CADPS2: variants seen among roughly 807,000 people sequenced by gnomAD.
The protein encoded by CADPS2 is calcium dependent secretion activator 2.
In CADPS2, 93 loss-of-function variants were observed where a neutral mutation model predicts 172.5. The observed-to-expected ratio is 0.54, with a 90% CI of 0.46 to 0.64. The LOEUF is 0.64. CADPS2 is among the 30% of genes least tolerant of loss of function. The pLI is 0.00. For synonymous variants in CADPS2, 546 were observed against 555.2 expected, an observed-to-expected ratio of 0.98 and a Z score of 0.23; for missense variants, 1,420 against 1,565.9, an observed-to-expected ratio of 0.91 and a Z score of 1.57.
intron 8 of CADPS2, 94 bp from the exon 9 acceptor site, chr7:122,513,409 A>T (rs773070933): frequency 2.0e-6 from 2 of 1,024,316 alleles, no homozygotes; most frequent in Admixed American, 4.9e-5. Flanking sequence ...TATTTTTGAG[A>T]CCAGCCTGCT....
chr7:122,660,637 G>C (rs576969672), intron 3 of CADPS2, among the ~76,000 whole-genome samples: 3 of 151,218 alleles, frequency 2.0e-5, no homozygotes, highest in African/African-American at 4.9e-5. Flanking sequence ...TGGGCCAAGC[G>C]CTGTGGCTCA....
intron 19 of CADPS2, chr7:122,409,537 C>T: frequency 9.1e-6 from 3 of 330,334 alleles, no homozygotes; most frequent in East Asian, 9.6e-5. Context: ...CATTGTTTTG[C>T]AGAAGTATAT....
intron 27 of CADPS2, among the ~76,000 whole-genome samples, chr7:122,351,287 A>G (rs912140945): frequency 1.4e-4 from 20 of 147,658 alleles, no homozygotes; most frequent in African/African-American, 4.0e-4. Flanking sequence ...GCAGGACAAC[A>G]GCATGAACCC....
intron 20 of CADPS2, 89 bp downstream of exon 20, chr7:122,407,451 C>T (rs1441824074): frequency 8.1e-6 from 11 of 1,355,708 alleles, no homozygotes; most frequent in Middle Eastern, 1.8e-4. Context: ...CTTGTCAGGC[C>T]GGTGTGAGGG....
At chr7:122,383,320 G>A (rs1585466261) in intron 24 of CADPS2, among the ~76,000 whole-genome samples, 1 of 151,992 alleles carries the variant, frequency 6.6e-6, no homozygotes, top group African/African-American at 2.4e-5. Context: ...AACAGACACT[G>A]TGGACTAGTA....
chr7:122,337,758 G>GAAAAA (rs372572074), intron 28 of CADPS2, among the ~76,000 whole-genome samples: 1 of 134,480 alleles, frequency 7.4e-6, no homozygotes, highest in Non-Finnish European at 1.6e-5. Flanking sequence ...AAACTTTAAG[G>GAAAAA]AAAAAAAAAA....
chr7:122,482,941 A>G (rs1443474634), intron 11 of CADPS2, among the ~76,000 whole-genome samples: 1 of 152,216 alleles, frequency 6.6e-6, no homozygotes, highest in Non-Finnish European at 1.5e-5. Context: ...TCGAGAGGAC[A>G]GTGCCCCAAA....
chr7:122,837,272 T>C lies in CADPS2; in HGVS notation c.339+48727A>G, dbSNP rs368825669. Among the ~76,000 whole-genome samples, 26 of 152,218 alleles carry C rather than the reference T, an allele frequency of 1.7e-4. No homozygotes were observed. The East Asian group carries it at 5.0e-3, about 29-fold the overall frequency. On this transcript the variant is annotated intron_variant, in intron 1 of 29. Coordinates refer to ENST00000449022, the MANE Select transcript of CADPS2 (RefSeq NM_017954.11). ...CACACCAGAATCTCTGGGACACATTTAAAGCAGTGGGTAGAGGGAAATTTA... is the reference window on the plus strand; with the variant it reads ...CACACCAGAATCTCTGGGACACATTCAAAGCAGTGGGTAGAGGGAAATTTA...
intron 6 of CADPS2, among the ~76,000 whole-genome samples, chr7:122,592,949 G>T (rs1288246728): frequency 1.3e-5 from 2 of 151,302 alleles, no homozygotes; most frequent in Middle Eastern, 3.2e-3. Flanking sequence ...TAACAAACCT[G>T]CACGTTGTAC....
At chr7:122,518,804 ATAAG>A (rs2060569382) in intron 8 of CADPS2, among the ~76,000 whole-genome samples, 1 of 152,106 alleles carries the variant, frequency 6.6e-6, no homozygotes, top group Non-Finnish European at 1.5e-5. Context: ...ATCCAATAAA[ATAAG>A]TATCTATCAC....
chr7:122,737,034 C>T lies in CADPS2; in HGVS notation c.374G>A (p.Arg125Gln), dbSNP rs2092203823. The T allele has an allele frequency of 3.1e-6, 5 of 1,610,590 alleles. No homozygotes were observed. Among genetic ancestry groups the T allele is most frequent in the East Asian group, 2.2e-5 (1 of 44,760 alleles). ...TTCCCCATTGAGGAAGGCCTGGAAC[C>T]GTTCTTTCAGTAACTGCAACTGTTG... is the stretch of plus-strand genomic sequence containing the variant. ...NKQQLQLLKE[R>Q]FQAFLNGETQ... Residue 125 changes from arginine to glutamine, a missense_variant, in exon 2 of 30, where the codon CGG becomes CAG. Arg to Gln is a conservative substitution (Grantham distance 43). Coordinates refer to ENST00000449022, the MANE Select transcript of CADPS2 (RefSeq NM_017954.11).
At chr7:122,680,511 C>T (rs1588372057) in intron 2 of CADPS2, among the ~76,000 whole-genome samples, 1 of 152,034 alleles carries the variant, frequency 6.6e-6, no homozygotes, top group Non-Finnish European at 1.5e-5. Context: ...GTCAGGAGTT[C>T]GAGACCAGCC....
At chr7:122,616,761 A>C (rs952512064) in intron 5 of CADPS2, among the ~76,000 whole-genome samples, 1 of 152,176 alleles carries the variant, frequency 6.6e-6, no homozygotes, top group African/African-American at 2.4e-5. Context: ...TCTTGATTAA[A>C]GAAAATAAGC....
chr7:122,799,552 A>C (rs996245094), intron 1 of CADPS2, among the ~76,000 whole-genome samples: 15 of 150,770 alleles, frequency 9.9e-5, no homozygotes, highest in Non-Finnish European at 1.3e-4. Context: ...TGCAGTAAGC[A>C]GAGATCGCAC....
intron 27 of CADPS2, among the ~76,000 whole-genome samples, chr7:122,349,403 A>C (rs2038192395): frequency 6.6e-6 from 1 of 152,120 alleles, no homozygotes; most frequent in South Asian, 2.1e-4. Flanking sequence ...TTAAACCTCC[A>C]GGATCCTTAG....
chr7:122,370,779 A>T (rs1047047936), intron 25 of CADPS2, among the ~76,000 whole-genome samples: 1 of 152,182 alleles, frequency 6.6e-6, no homozygotes, highest in African/African-American at 2.4e-5. Flanking sequence ...GAAAAGGCAC[A>T]AGGGTCTGGA....
At chr7:122,437,908 T>G (rs184862299) in intron 17 of CADPS2, among the ~76,000 whole-genome samples, 112 of 152,184 alleles carry the variant, frequency 7.4e-4, no homozygotes, top group African/African-American at 2.2e-3. Flanking sequence ...ATGAGTTTAT[T>G]TCAGCCCTCA....
chr7:122,651,500 G>C (rs2079142921), intron 3 of CADPS2, among the ~76,000 whole-genome samples: 2 of 152,114 alleles, frequency 1.3e-5, no homozygotes, highest in African/African-American at 4.8e-5. Flanking sequence ...AAAACTTCTA[G>C]GGAAAAGAAA....
intron 1 of CADPS2, among the ~76,000 whole-genome samples, chr7:122,799,603 CAAAA>C (rs58187843): frequency 4.1e-5 from 2 of 48,272 alleles, no homozygotes. Context: ...GATTCCATCT[CAAAA>C]AAAAAAAAAA....
Sources: allele counts gnomAD v4.1 joint callset (sites outside exome capture counted in the v4.1 genomes callset), GRCh38; gene constraint gnomAD v4.1.1; transcripts MANE v1.5; gene names NCBI Gene and HGNC (gene_info 2026-07-23, HGNC 2026-07-21).